Variants in RAB3GAP1 observed in about 807,000 individuals in gnomAD.
RAB3GAP1 encodes RAB3 GTPase activating protein catalytic subunit 1, also known as rab3 GTPase-activating protein catalytic subunit.
A neutral mutation model predicts 130.7 loss-of-function variants in RAB3GAP1; 86 were observed. The ratio of observed to expected loss-of-function variants is 0.66; its 90% confidence interval spans 0.55 to 0.79. The LOEUF is 0.79. RAB3GAP1 is among the 30% of genes least tolerant of loss of function. The pLI is 0.00. For synonymous variants in RAB3GAP1, 367 were observed against 401.7 expected, an observed-to-expected ratio of 0.91 and a Z score of 1.03; for missense variants, 1,029 against 1,169.4, an observed-to-expected ratio of 0.88 and a Z score of 1.75.
chr2:135,098,149 A>AT (rs1264590170), intron 5 of RAB3GAP1, among the ~76,000 whole-genome samples: 4 of 152,100 alleles, frequency 2.6e-5, no homozygotes, highest in Admixed American at 2.6e-4. Flanking sequence ...TCTTCTCTGT[A>AT]TTAACAGTGT....
At chr2:135,165,160 AAAG>A (rs753880625) in intron 23 of RAB3GAP1, 6 of 456,344 alleles carry the variant, frequency 1.3e-5, no homozygotes, top group Non-Finnish European at 2.6e-5. Flanking sequence ...GTTTCCTAGA[AAAG>A]AAGAGGAAAA....
chr2:135,057,298 G>A (rs899941648), intron 2 of RAB3GAP1, among the ~76,000 whole-genome samples: 1 of 151,946 alleles, frequency 6.6e-6, no homozygotes, highest in African/African-American at 2.4e-5. Flanking sequence ...TTTTTGTTGG[G>A]GGCTGGGGGG....
Position 135,087,090 on chromosome 2 carries a change from C to T in RAB3GAP1, c.151-3908C>T, listed in dbSNP as rs1206815349. On this transcript the variant is annotated intron_variant, in intron 3 of 23. Coordinates refer to ENST00000264158, the MANE Select transcript of RAB3GAP1 (RefSeq NM_012233.3). ...TGGTCAAAGGAATCTTTGCCTATCC[C>T]AAGGTATTTGCAAGATCCCAAGATA... 5.3e-5 allele frequency among the ~76,000 whole-genome samples: 8 copies of T among 152,166 alleles called. No homozygotes were observed. In the East Asian group the frequency reaches 7.7e-4, roughly 15 times the overall value.
Position 135,164,562 on chromosome 2 carries a change from C to T in RAB3GAP1, c.2607-32C>T, listed in dbSNP as rs777675022. 1.5e-5 allele frequency: 23 copies of T among 1,545,328 alleles called. No homozygotes were observed. In the African/African-American group the frequency reaches 2.7e-4, roughly 18 times the overall value. ...CCCAGTGGCCTGGACAGCTCACTTT[C>T]CACCCTTTCATTGCCTGTCTCTGTC... On this transcript the variant is annotated intron_variant, in intron 22 of 23. Coordinates refer to ENST00000264158, the MANE Select transcript of RAB3GAP1 (RefSeq NM_012233.3).
intron 17 of RAB3GAP1, among the ~76,000 whole-genome samples, chr2:135,138,366 A>G (rs568138888): frequency 1.3e-4 from 19 of 151,728 alleles, no homozygotes; most frequent in East Asian, 1.2e-3. Context: ...AGAAGAATCA[A>G]TTGAGCCCGG....
chr2:135,109,250 G>T lies in RAB3GAP1; in HGVS notation c.363-3901G>T, dbSNP rs79400558. On this transcript the variant is annotated intron_variant, in intron 5 of 23. Coordinates refer to ENST00000264158, the MANE Select transcript of RAB3GAP1 (RefSeq NM_012233.3). ...TTTTGATTGAGATTGCATTGAATCTGTAGATGAAGTTGGAAAGAACTAATA... is the reference window on the plus strand; with the variant it reads ...TTTTGATTGAGATTGCATTGAATCTTTAGATGAAGTTGGAAAGAACTAATA... Among the ~76,000 whole-genome samples the T allele has an allele frequency of 3.0e-3, 452 of 152,138 alleles. 3 individuals carry two copies. Among genetic ancestry groups the T allele is most frequent in the African/African-American group, 0.01 (421 of 41,496 alleles).
chr2:135,083,137 T>G (rs1015802026), intron 3 of RAB3GAP1, among the ~76,000 whole-genome samples: 6 of 152,090 alleles, frequency 3.9e-5, no homozygotes, highest in African/African-American at 1.4e-4. Flanking sequence ...GGATGTGGAA[T>G]CTGCAGATAT....
At chr2:135,129,146 T>C (rs1423239264) in intron 11 of RAB3GAP1, among the ~76,000 whole-genome samples, 1 of 151,678 alleles carries the variant, frequency 6.6e-6, no homozygotes, top group Admixed American at 6.6e-5. Context: ...AGTAAGACCC[T>C]GTCTCAAAAA....
intron 23 of RAB3GAP1, among the ~76,000 whole-genome samples, chr2:135,168,194 A>AG (rs1692717343): frequency 6.6e-6 from 1 of 152,206 alleles, no homozygotes; most frequent in Non-Finnish European, 1.5e-5. Flanking sequence ...TACTGGACTG[A>AG]GGCTGTCAGA....
intron 17 of RAB3GAP1, chr2:135,136,958 T>A: frequency 4.3e-6 from 1 of 230,338 alleles, no homozygotes; most frequent in Non-Finnish European, 8.7e-6. Context: ...TATTGGGGCA[T>A]GTGTCTGTAG....
chr2:135,054,570 TAAGG>T (rs1205108649), intron 2 of RAB3GAP1, among the ~76,000 whole-genome samples: 2 of 152,218 alleles, frequency 1.3e-5, no homozygotes, highest in Non-Finnish European at 2.9e-5. Context: ...AGAATGAATG[TAAGG>T]AAGTGTCAAA....
intron 2 of RAB3GAP1, among the ~76,000 whole-genome samples, chr2:135,057,423 A>T (rs1335298117): frequency 6.6e-6 from 1 of 152,110 alleles, no homozygotes; most frequent in Non-Finnish European, 1.5e-5. Flanking sequence ...TATTTTTGAG[A>T]TGGAATCTCA....
chr2:135,089,427 C>A (rs913402202), intron 3 of RAB3GAP1, among the ~76,000 whole-genome samples: 12 of 150,872 alleles, frequency 8.0e-5, no homozygotes, highest in African/African-American at 2.7e-4. Flanking sequence ...GTGAAGAAAG[C>A]CAGTGGTAGC....
At chr2:135,056,018 A>G (rs1451376538) in intron 2 of RAB3GAP1, among the ~76,000 whole-genome samples, 1 of 150,676 alleles carries the variant, frequency 6.6e-6, no homozygotes, top group Admixed American at 6.6e-5. Context: ...TTGTATTTTT[A>G]GTAGTGGCGG....
chr2:135,172,799 C>T (rs1692893814), downstream of RAB3GAP1, among the ~76,000 whole-genome samples: 1 of 152,156 alleles, frequency 6.6e-6, no homozygotes, highest in African/African-American at 2.4e-5. Flanking sequence ...CTGTGGTGGC[C>T]AGCCTCCTGC....
At position 135,130,476 on chromosome 2, in the gene RAB3GAP1, AATC is replaced by A. The variant is rs1157370595; in HGVS notation, c.1067-71_1067-69del. 3.3e-6 allele frequency: 4 copies of A among 1,212,288 alleles called. No homozygotes were observed. The East Asian group carries it at 7.1e-5, about 22-fold the overall frequency. 75.1% of individuals were successfully genotyped at this position (1,212,288 alleles called of 1,614,324 possible). A position where few individuals can be genotyped will look rare whatever the true frequency, so the allele number is the denominator to read the frequency against. On this transcript the variant is annotated intron_variant, in intron 12 of 23. Coordinates refer to ENST00000264158, the MANE Select transcript of RAB3GAP1 (RefSeq NM_012233.3). ...AAAGAATGAGTAAAATATTCTATAT[AATC>A]ATCAATTTGTTCATCACTTTCACCT...
chr2:135,115,932 G>C (rs951220380), intron 7 of RAB3GAP1, among the ~76,000 whole-genome samples: 2 of 152,156 alleles, frequency 1.3e-5, no homozygotes, highest in African/African-American at 2.4e-5. Context: ...GGACTTGCCT[G>C]TGCTGCTCTG....
At chr2:135,148,674 T>C (rs1182834068) in intron 17 of RAB3GAP1, among the ~76,000 whole-genome samples, 11 of 148,244 alleles carry the variant, frequency 7.4e-5, no homozygotes, top group African/African-American at 2.5e-4. Context: ...GTATCTTTTT[T>C]TTTTTTTTTT....
intron 18 of RAB3GAP1, among the ~76,000 whole-genome samples, chr2:135,151,216 A>C (rs1453151755): frequency 6.6e-6 from 1 of 152,194 alleles, no homozygotes; most frequent in East Asian, 1.9e-4. Flanking sequence ...GTATATGTTA[A>C]AACCCCAAGT....
Sources: gnomAD v4.1 joint callset for allele counts (sites outside exome capture counted in the v4.1 genomes callset) on GRCh38, gnomAD v4.1.1 for gene constraint, MANE v1.5 for transcripts, NCBI Gene and HGNC (gene_info 2026-07-23, HGNC 2026-07-21) for gene names.